CRPPA: variants seen among roughly 807,000 people sequenced by gnomAD.
CRPPA encodes D-ribitol-5-phosphate cytidylyltransferase.
Under a neutral mutation model 52.0 loss-of-function variants are expected in CRPPA, and 43 were observed. That is an observed-to-expected ratio of 0.83 (90% CI 0.65 to 1.07). CRPPA has a LOEUF of 1.07. CRPPA is among the 50% of genes least tolerant of loss of function. The pLI, the probability that CRPPA is intolerant of heterozygous loss-of-function variation, is 0.00. For synonymous variants in CRPPA, 250 were observed against 203.5 expected (o/e 1.23, Z -1.94); for missense variants, 629 against 551.7 (o/e 1.14, Z -1.40).
chr7:16,331,587 A>G lies in CRPPA; in HGVS notation c.685-22960T>C, dbSNP rs371796159. ...AACATTTAGAACTATGATCAACTACATACAAAGGATTCCAGTAGTTAGACA... is the reference window on the plus strand; with the variant it reads ...AACATTTAGAACTATGATCAACTACGTACAAAGGATTCCAGTAGTTAGACA... On this transcript the variant is annotated intron_variant, in intron 3 of 9. Coordinates refer to ENST00000407010, the MANE Select transcript of CRPPA (RefSeq NM_001101426.4). Among the ~76,000 whole-genome samples, 15 of 152,346 alleles carry G rather than the reference A, an allele frequency of 9.8e-5. No individual in the cohort carries two copies. The East Asian group carries it at 2.5e-3, about 25-fold the overall frequency.
In CRPPA at chr7:16,138,934, T is replaced by C. The variant is rs977112383; in HGVS notation, c.1252-47135A>G. On this transcript the variant is annotated intron_variant, in intron 9 of 9. Transcript: ENST00000407010. Reference sequence around the variant, plus strand: ...CTCCTGCCTTGGCCTCCTGAGTAGCTGGGATTACAGGTGCCCGCCACCACA... The same window carrying C: ...CTCCTGCCTTGGCCTCCTGAGTAGCCGGGATTACAGGTGCCCGCCACCACA... 3.9e-5 allele frequency among the ~76,000 whole-genome samples: 6 copies of C among 152,236 alleles called. No individual in the cohort carries two copies. In the East Asian group the frequency reaches 1.2e-3, roughly 29 times the overall value.
intron 2 of CRPPA, among the ~76,000 whole-genome samples, chr7:16,400,350 A>G (rs1787777606): frequency 2.6e-5 from 4 of 152,214 alleles, no homozygotes. Flanking sequence ...GATTGACATG[A>G]TTGACACATG....
At chr7:16,122,742 T>C (rs1478034241) in intron 9 of CRPPA, among the ~76,000 whole-genome samples, 1 of 152,082 alleles carries the variant, frequency 6.6e-6, no homozygotes, top group Non-Finnish European at 1.5e-5. Context: ...TATACTCCTT[T>C]TTAAAACAAT....
rs146431093 is a variant in CRPPA, at chr7:16,102,441, G to A, written c.1252-10642C>T. On this transcript the variant is annotated intron_variant, in intron 9 of 9. Coordinates refer to ENST00000407010, the MANE Select transcript of CRPPA (RefSeq NM_001101426.4). ...AACACCAAAAGCAATGGCAACCAGA[G>A]CCAAAATTGACAAATGGGATCTAAT... Among the ~76,000 whole-genome samples the A allele has an allele frequency of 2.4e-3, 358 of 152,296 alleles. 5 individuals are homozygous for A. The highest frequency in any genetic ancestry group is 0.017 in the Middle Eastern group (5 of 294).
rs1184999437 is a variant in CRPPA, at chr7:16,278,340, T to C, written c.836-114A>G. ...TAGCTGTTGACCAAGAATAGGGAGG[T>C]TTTGATTTCAGGCCAAGTGGAGTAA... On this transcript the variant is annotated intron_variant, in intron 5 of 9. Coordinates refer to ENST00000407010, the MANE Select transcript of CRPPA (RefSeq NM_001101426.4). 4 of 623,258 alleles carry C rather than the reference T, an allele frequency of 6.4e-6. No individual in the cohort carries two copies. The African/African-American group carries it at 7.4e-5, about 12-fold the overall frequency. 38.6% of individuals were successfully genotyped at this position (623,258 alleles called of 1,614,324 possible).
intron 9 of CRPPA, among the ~76,000 whole-genome samples, chr7:16,154,415 A>C (rs1783134853): frequency 6.6e-6 from 1 of 151,700 alleles, no homozygotes; most frequent in Non-Finnish European, 1.5e-5. Context: ...TCATTGTTCA[A>C]CTCCCACTTA....
intron 6 of CRPPA, among the ~76,000 whole-genome samples, chr7:16,273,589 G>A (rs1230902674): frequency 2.0e-5 from 3 of 151,930 alleles, no homozygotes; most frequent in South Asian, 2.1e-4. Context: ...ACTTCCACTC[G>A]TCAGTAAATC....
intron 9 of CRPPA, among the ~76,000 whole-genome samples, chr7:16,125,446 G>C (rs1257010082): frequency 6.6e-6 from 1 of 151,938 alleles, no homozygotes; most frequent in East Asian, 1.9e-4. Context: ...AAAACAGCTT[G>C]TTTCTTTAAT....
intron 9 of CRPPA, among the ~76,000 whole-genome samples, chr7:16,151,416 T>C: frequency 6.6e-6 from 1 of 152,156 alleles, no homozygotes; most frequent in South Asian, 2.1e-4. Flanking sequence ...TGATGATTTG[T>C]TTTTTCAAGC....
intron 9 of CRPPA, among the ~76,000 whole-genome samples, chr7:16,132,703 T>G (rs932580772): frequency 3.2e-5 from 4 of 124,858 alleles, no homozygotes; most frequent in African/African-American, 1.0e-4. Flanking sequence ...CTGAAAATTT[T>G]TTTGGAGATT....
Position 16,342,798 on chromosome 7 carries a change from T to TATATATAGATATATAGATATA in CRPPA, c.684+33293_684+33294insTATATCTATATATCTATATAT, listed in dbSNP as rs1491461185. ...AAAAAAAAAAATATATATATATATA[T>TATATATAGATATATAGATATA]CTATATAGATATATAGATATACATA... On this transcript the variant is annotated intron_variant, in intron 3 of 9. Coordinates refer to ENST00000407010, the MANE Select transcript of CRPPA (RefSeq NM_001101426.4). 1.0e-3 allele frequency among the ~76,000 whole-genome samples: 102 copies of TATATATAGATATATAGATATA among 101,216 alleles called. 11 individuals carry two copies. The highest frequency in any genetic ancestry group is 1.3e-3 in the Non-Finnish European group (66 of 51,942). The allele number at this position is 101,216 out of a possible 152,430, so 66.4% of individuals were successfully genotyped here. A position where few individuals can be genotyped will look rare whatever the true frequency, so the allele number is the denominator to read the frequency against.
At chr7:16,202,276 T>A (rs1274536281) in intron 9 of CRPPA, among the ~76,000 whole-genome samples, 1 of 152,164 alleles carries the variant, frequency 6.6e-6, no homozygotes, top group Non-Finnish European at 1.5e-5. Flanking sequence ...TATAAAAACA[T>A]AAATAATTTA....
chr7:16,234,107 A>C (rs1348166601), intron 8 of CRPPA, among the ~76,000 whole-genome samples: 1 of 152,138 alleles, frequency 6.6e-6, no homozygotes, highest in African/African-American at 2.4e-5. Context: ...AACATTTCTA[A>C]ATGTTGCACA....
At chr7:16,115,123 C>A (rs1273776758) in intron 9 of CRPPA, among the ~76,000 whole-genome samples, 1 of 151,822 alleles carries the variant, frequency 6.6e-6, no homozygotes, top group Non-Finnish European at 1.5e-5. Flanking sequence ...ATGAAATGAA[C>A]CAAAATGTAC....
At chr7:16,221,784 A>G (rs1314614074) in intron 8 of CRPPA, among the ~76,000 whole-genome samples, 2 of 151,288 alleles carry the variant, frequency 1.3e-5, no homozygotes, top group Non-Finnish European at 3.0e-5. Flanking sequence ...ATCATTAAAA[A>G]GTCAGGAAAC....
intron 8 of CRPPA, among the ~76,000 whole-genome samples, chr7:16,254,797 GAAA>G (rs1583469359): frequency 4.1e-3 from 228 of 55,338 alleles, no homozygotes; most frequent in South Asian, 6.5e-3. Flanking sequence ...AAGAAGGAAA[GAAA>G]GAAAGAAAGA....
At chr7:16,171,038 G>A (rs1781174104) in intron 9 of CRPPA, among the ~76,000 whole-genome samples, 1 of 152,226 alleles carries the variant, frequency 6.6e-6, no homozygotes, top group Non-Finnish European at 1.5e-5. Context: ...GCAGCAGGCT[G>A]AAGGGCTCCT....
chr7:16,399,345 CAT>C (rs963263354), intron 2 of CRPPA, among the ~76,000 whole-genome samples: 27 of 152,044 alleles, frequency 1.8e-4, no homozygotes, highest in South Asian at 6.2e-4. Flanking sequence ...GTGATTGACA[CAT>C]GACTGACATG....
intron 2 of CRPPA, among the ~76,000 whole-genome samples, chr7:16,378,505 T>C (rs1786971443): frequency 6.6e-6 from 1 of 151,972 alleles, no homozygotes; most frequent in African/African-American, 2.4e-5. Flanking sequence ...TAATCCAGTC[T>C]ATCATTGTTG....
Sources: gnomAD v4.1 joint callset for allele counts (sites outside exome capture counted in the v4.1 genomes callset) on GRCh38, gnomAD v4.1.1 for gene constraint, MANE v1.5 for transcripts, NCBI Gene and HGNC (gene_info 2026-07-23, HGNC 2026-07-21) for gene names.